The following ABCA13 variants were observed in gnomAD, a reference collection of about 807,000 sequenced individuals.
The protein encoded by ABCA13 is ATP binding cassette subfamily A member 13.
A neutral mutation model predicts 478.7 loss-of-function variants in ABCA13; 476 were observed. That is an observed-to-expected ratio of 0.99 (90% CI 0.92 to 1.07). The LOEUF is 1.07. Among genes scored for constraint, ABCA13 ranks in the 50% least tolerant of loss-of-function variants. The pLI, the probability that ABCA13 is intolerant of heterozygous loss-of-function variation, is 0.00. For missense variants in ABCA13, 6,060 were observed against 5,910.6 expected (o/e 1.03, Z -0.83); for synonymous variants, 2,252 against 2,158.9 (o/e 1.04, Z -1.20).
Position 48,274,976 on chromosome 7 carries a change from G to A in ABCA13, c.5310G>A (p.Lys1770=). 1 of 1,613,862 alleles carries A rather than the reference G, an allele frequency of 6.2e-7. No homozygotes were observed. The highest frequency in any genetic ancestry group is 2.2e-5 in the East Asian group (1 of 44,884). ...GTAAAAACATCACTGAAGGCCTCAA[G>A]GATGTCTACAGCTTCACACTCCTTC... The part of the protein sequence containing the change: ...VPGKNITEGL[K]DVYSFTLLHG... Residue 1770 remains lysine, a synonymous_variant, in exon 17 of 62, where the codon AAG becomes AAA. Coordinates refer to ENST00000435803, the MANE Select transcript of ABCA13 (RefSeq NM_152701.5).
chr7:48,463,294 C>A (rs865894701), intron 43 of ABCA13, among the ~76,000 whole-genome samples: 1 of 152,132 alleles, frequency 6.6e-6, no homozygotes, highest in Non-Finnish European at 1.5e-5. Context: ...GACGAAGTTC[C>A]GAATCAAAGC....
intron 59 of ABCA13, among the ~76,000 whole-genome samples, chr7:48,642,673 G>A (rs1795180678): frequency 6.6e-6 from 1 of 152,086 alleles, no homozygotes; most frequent in South Asian, 2.1e-4. Context: ...TTACCTTAGG[G>A]TATGAGTATG....
chr7:48,639,204 T>C (rs1014058854), intron 59 of ABCA13, among the ~76,000 whole-genome samples: 15 of 152,194 alleles, frequency 9.9e-5, no homozygotes, highest in Non-Finnish European at 2.1e-4. Context: ...CTATTAATAA[T>C]ACAGAGATGC....
chr7:48,218,710 C>T (rs1407206024), intron 3 of ABCA13, among the ~76,000 whole-genome samples: 2 of 152,164 alleles, frequency 1.3e-5, no homozygotes, highest in Non-Finnish European at 2.9e-5. Flanking sequence ...CACATTTCCT[C>T]ATCTCTAAAT....
intron 42 of ABCA13, among the ~76,000 whole-genome samples, chr7:48,443,859 C>T (rs1823944524): frequency 6.6e-6 from 1 of 152,166 alleles, no homozygotes; most frequent in African/African-American, 2.4e-5. Context: ...CTCCCACCTG[C>T]ATCCTCTTTC....
chr7:48,392,092 A>G lies in ABCA13; in HGVS notation c.11826A>G (p.Ile3942Met), dbSNP rs1275675922. ...AACATTTGCTGCTCTTTGCTTCCAT[A>G]AAGGCGCCTCAGTGGACCAAGAAGG... The part of the protein sequence containing the change: ...VREHLLLFAS[I>M]KAPQWTKKEL... The change falls in exon 38 of 62, where the codon ATA (isoleucine) becomes ATG (methionine). Residue 3942 changes from isoleucine (I) to methionine (M), a missense_variant. Physicochemically the swap from Ile to Met is conservative, Grantham distance 10 (BLOSUM62 1). Around this residue, in one of 3 missense-constraint regions of ABCA13, gnomAD observed 1,627 missense variants for 1,571.0 expected, o/e 1.04. Transcript: ENST00000435803. The G allele has an allele frequency of 1.9e-6, 3 of 1,613,902 alleles. No homozygotes were observed. Among genetic ancestry groups the G allele is most frequent in the Non-Finnish European group, 2.5e-6 (3 of 1,179,858 alleles).
intron 15 of ABCA13, among the ~76,000 whole-genome samples, chr7:48,268,035 C>G (rs1795091613): frequency 6.6e-6 from 1 of 152,060 alleles, no homozygotes; most frequent in African/African-American, 2.4e-5. Context: ...AGCAAGACCC[C>G]TTTTTTGTAC....
intron 59 of ABCA13, among the ~76,000 whole-genome samples, chr7:48,630,713 T>C (rs773183412): frequency 6.6e-6 from 1 of 152,168 alleles, no homozygotes; most frequent in African/African-American, 2.4e-5. Flanking sequence ...CTGTTTTAAG[T>C]TTTTGAGAAG....
intron 27 of ABCA13, 62 bp from the exon 28 acceptor site, chr7:48,335,360 G>C: frequency 7.8e-7 from 1 of 1,278,930 alleles, no homozygotes; most frequent in Non-Finnish European, 1.1e-6. Context: ...GTCCTTGTTG[G>C]AAGATTTATC....
chr7:48,642,882 A>AT (rs148508911), intron 59 of ABCA13, among the ~76,000 whole-genome samples: 2 of 152,296 alleles, frequency 1.3e-5, no homozygotes, highest in African/African-American at 4.8e-5. Flanking sequence ...AATCCCTTTC[A>AT]TCTTTTCCCA....
chr7:48,491,926 C>A (rs772741722), intron 48 of ABCA13, among the ~76,000 whole-genome samples: 1 of 152,154 alleles, frequency 6.6e-6, no homozygotes, highest in South Asian at 2.1e-4. Flanking sequence ...TCTCAGCAGT[C>A]GCACAGCACC....
chr7:48,280,346 G>A (rs1355875909), intron 18 of ABCA13, among the ~76,000 whole-genome samples: 2 of 152,188 alleles, frequency 1.3e-5, no homozygotes, highest in African/African-American at 4.8e-5. Flanking sequence ...ACAGGAAAGG[G>A]CCAGGCAGCT....
rs559926336 is a variant in ABCA13 at position 48,244,615 on chromosome 7, C to T, written c.1302C>T (p.Asn434=). The change falls in exon 11 of 62, where the codon AAC becomes AAT. Residue 434 remains asparagine (N), a synonymous_variant. Transcript: ENST00000435803. ...HLWKLQSLLQ[N]LPQWPALKRF... is the part of the protein sequence containing the mutation. ...GGAAATTGCAAAGCTTGCTGCAAAA[C>T]CTGCCCCAGTGGCCGGCACTGAAGA... The T allele has an allele frequency of 1.9e-6, 3 of 1,613,550 alleles. No homozygotes were observed. Among genetic ancestry groups the T allele is most frequent in the Non-Finnish European group, 2.5e-6 (3 of 1,179,684 alleles).
intron 56 of ABCA13, among the ~76,000 whole-genome samples, chr7:48,585,660 T>C (rs1370876543): frequency 2.0e-5 from 3 of 152,208 alleles, no homozygotes; most frequent in African/African-American, 7.2e-5. Context: ...GTATACACAT[T>C]AGTTTATATT....
chr7:48,604,413 A>T (rs1299736055), intron 58 of ABCA13, among the ~76,000 whole-genome samples: 1 of 152,184 alleles, frequency 6.6e-6, no homozygotes, highest in Non-Finnish European at 1.5e-5. Context: ...TGTGTCCCAG[A>T]GATTCTGGTA....
intron 44 of ABCA13, 72 bp downstream of exon 44, chr7:48,467,117 T>C (rs1409407711): frequency 1.5e-6 from 2 of 1,363,902 alleles, no homozygotes; most frequent in East Asian, 2.3e-5. Flanking sequence ...AGGACTGTTT[T>C]TCTTCATGAT....
intron 39 of ABCA13, among the ~76,000 whole-genome samples, chr7:48,407,392 C>T (rs1818405973): frequency 6.6e-6 from 1 of 151,014 alleles, no homozygotes; most frequent in Non-Finnish European, 1.5e-5. Flanking sequence ...ATGAGAATCA[C>T]TTGAACCCAG....
At chr7:48,563,058 C>T (rs1359999277) in intron 55 of ABCA13, among the ~76,000 whole-genome samples, 1 of 151,922 alleles carries the variant, frequency 6.6e-6, no homozygotes, top group Non-Finnish European at 1.5e-5. Flanking sequence ...TTGCATTTGG[C>T]ATGATCATTT....
intron 59 of ABCA13, among the ~76,000 whole-genome samples, chr7:48,620,486 AAG>A (rs758466069): frequency 1.6e-4 from 24 of 152,016 alleles, no homozygotes; most frequent in Admixed American, 7.9e-4. Flanking sequence ...CTGGGCATGT[AAG>A]ATGTTTAGCA....
Sources: allele counts gnomAD v4.1 joint callset (sites outside exome capture counted in the v4.1 genomes callset), GRCh38; gene constraint gnomAD v4.1.1; regional missense constraint gnomAD v4.1.1; transcripts MANE v1.5; gene names NCBI Gene and HGNC (gene_info 2026-07-23, HGNC 2026-07-21).